SAMD5: variants seen among roughly 807,000 people sequenced by gnomAD.
SAMD5 encodes the protein sterile alpha motif domain-containing protein 5.
In SAMD5, 13 loss-of-function variants were observed where a neutral mutation model predicts 11.3. That is an observed-to-expected ratio of 1.15 (90% CI 0.75 to 1.83). SAMD5 has a LOEUF of 1.83. Ranked by LOEUF, SAMD5 falls within the 40% of genes most tolerant of loss-of-function variation. SAMD5 has a pLI of 0.00. For missense variants in SAMD5, 255 were observed against 239.1 expected (o/e 1.07, Z -0.44); for synonymous variants, 129 against 111.3 (o/e 1.16, Z -1.00).
At chr6:147,654,111 G>A (rs955869807) in intron 1 of SAMD5, among the ~76,000 whole-genome samples, 4 of 151,890 alleles carry the variant, frequency 2.6e-5, no homozygotes, top group Admixed American at 1.3e-4. Flanking sequence ...ACTTGTGCAC[G>A]CTTTCTCCTC....
At chr6:147,838,990 C>T in the SAMD5 span, among the ~76,000 whole-genome samples, 1 of 152,210 alleles carries the variant, frequency 6.6e-6, no homozygotes, top group African/African-American at 2.4e-5. Context: ...TGGTATTCAC[C>T]TCCGACATTT....
At chr6:147,556,628 A>G (rs985752219) in intron 1 of SAMD5, among the ~76,000 whole-genome samples, 1 of 152,214 alleles carries the variant, frequency 6.6e-6, no homozygotes, top group East Asian at 1.9e-4. Flanking sequence ...AAAGTTTCCC[A>G]GGTTGGGAAT....
chr6:147,641,346 T>A (rs1232388193), intron 1 of SAMD5, among the ~76,000 whole-genome samples: 4 of 152,274 alleles, frequency 2.6e-5, no homozygotes, highest in Admixed American at 2.6e-4. Context: ...ATTTGGGGGC[T>A]TCATTGGCTA....
chr6:147,596,628 A>G (rs1396868862), intron 1 of SAMD5, among the ~76,000 whole-genome samples: 1 of 152,212 alleles, frequency 6.6e-6, no homozygotes, highest in Admixed American at 6.5e-5. Flanking sequence ...CCAATTATTA[A>G]TGAGCTGTTA....
chr6:147,945,062 A>G, the SAMD5 span, among the ~76,000 whole-genome samples: 1 of 152,222 alleles, frequency 6.6e-6, no homozygotes, highest in East Asian at 1.9e-4. Context: ...TTAGAGATTC[A>G]GTTCCAATCT....
intron 1 of SAMD5, among the ~76,000 whole-genome samples, chr6:147,607,642 A>G (rs1397652777): frequency 6.6e-6 from 1 of 152,230 alleles, no homozygotes; most frequent in East Asian, 1.9e-4. Context: ...AAATCAAATC[A>G]AAACAGATTA....
At chr6:147,639,874 T>C (rs946253331) in intron 1 of SAMD5, among the ~76,000 whole-genome samples, 2 of 150,932 alleles carry the variant, frequency 1.3e-5, no homozygotes, top group Admixed American at 6.6e-5. Context: ...AATTTCTAAT[T>C]GAGATTTTTT....
downstream of SAMD5, among the ~76,000 whole-genome samples, chr6:147,574,045 A>G (rs1789177916): frequency 6.6e-6 from 1 of 151,766 alleles, no homozygotes. Context: ...GGAGAATGGC[A>G]TGAACCCAGG....
At chr6:147,911,585 G>A in the SAMD5 span, among the ~76,000 whole-genome samples, 3 of 152,252 alleles carry the variant, frequency 2.0e-5, no homozygotes, top group South Asian at 6.2e-4. Context: ...CAATCCAATA[G>A]TGTCTTTCTT....
the SAMD5 span, among the ~76,000 whole-genome samples, chr6:147,818,759 G>T: frequency 2.0e-5 from 3 of 152,188 alleles, no homozygotes; most frequent in Non-Finnish European, 4.4e-5. Flanking sequence ...CACTGGTGAA[G>T]TTAGGAAATA....
chr6:147,892,950 T>C, the SAMD5 span, among the ~76,000 whole-genome samples: 20 of 152,158 alleles, frequency 1.3e-4, no homozygotes, highest in Admixed American at 4.6e-4. Context: ...TGGTGGCTCA[T>C]GCCTGTAATC....
the SAMD5 span, among the ~76,000 whole-genome samples, chr6:147,750,673 C>T: frequency 1.3e-5 from 2 of 152,180 alleles, no homozygotes; most frequent in African/African-American, 4.8e-5. Context: ...GCCTGTAATC[C>T]CAGCACTTTG....
intron 1 of SAMD5, among the ~76,000 whole-genome samples, chr6:147,637,672 A>C (rs1487272089): frequency 6.6e-6 from 1 of 152,216 alleles, no homozygotes; most frequent in Non-Finnish European, 1.5e-5. Flanking sequence ...CCTCAGGAAC[A>C]CATTTTAGCT....
the SAMD5 span, among the ~76,000 whole-genome samples, chr6:147,877,063 C>A: frequency 6.8e-6 from 1 of 146,128 alleles, no homozygotes; most frequent in South Asian, 2.2e-4. Flanking sequence ...TTTTTCCCAA[C>A]AAACCCTAGG....
Position 147,724,274 on chromosome 6 carries a change from C to A in SAMD5, c.163-13043C>A, listed in dbSNP as rs560054278. On this transcript the variant is annotated intron_variant, in intron 1 of 1. Coordinates refer to the SAMD5 transcript ENST00000566741. Reference sequence around the variant, plus strand: ...TCCTGAGTAGCTGGGACTACAGGCGCCTGCCACCACACCTGGCTAGAAAAA... The same window carrying A: ...TCCTGAGTAGCTGGGACTACAGGCGACTGCCACCACACCTGGCTAGAAAAA... 2.8e-3 allele frequency among the ~76,000 whole-genome samples: 429 copies of A among 152,290 alleles called. 1 individual carries two copies. Among genetic ancestry groups the A allele is most frequent in the African/African-American group, 9.6e-3 (398 of 41,566 alleles).
rs1789059148 is a variant in SAMD5, at chr6:147,567,369, A to G, written c.*2913A>G. On this transcript the variant is annotated 3_prime_UTR_variant, in exon 2 of 2. Transcript: ENST00000367474. ...TAAACAATGACAACAACAAGCATTGAGCTTTCACTTTGGAGTTACTCAGAT... is the reference window on the plus strand; with the variant it reads ...TAAACAATGACAACAACAAGCATTGGGCTTTCACTTTGGAGTTACTCAGAT... 1.0e-6 allele frequency: 1 copy of G among 984,908 alleles called. No individual in the cohort carries two copies. Among genetic ancestry groups the G allele is most frequent in the Admixed American group, 6.1e-5 (1 of 16,274 alleles). 61.0% of individuals were successfully genotyped at this position (984,908 alleles called of 1,614,324 possible).
chr6:147,602,482 GC>G (rs1280671931), intron 1 of SAMD5, among the ~76,000 whole-genome samples: 2 of 152,178 alleles, frequency 1.3e-5, no homozygotes, highest in Non-Finnish European at 2.9e-5. Flanking sequence ...GGTGGCTCAG[GC>G]CTGTAATCCC....
the SAMD5 span, among the ~76,000 whole-genome samples, chr6:147,892,546 A>G: frequency 6.6e-6 from 1 of 152,162 alleles, no homozygotes; most frequent in Non-Finnish European, 1.5e-5. Flanking sequence ...TTACATCTCT[A>G]CTTCTGCTGC....
At chr6:147,779,467 T>C in the SAMD5 span, among the ~76,000 whole-genome samples, 75 of 151,970 alleles carry the variant, frequency 4.9e-4, 1 homozygote, top group Non-Finnish European at 2.4e-4. Flanking sequence ...CCTGAGCAGC[T>C]CTACATTCTT....
Sources: gnomAD v4.1 joint callset for allele counts (sites outside exome capture counted in the v4.1 genomes callset) on GRCh38, gnomAD v4.1.1 for gene constraint, MANE v1.5 for transcripts, NCBI Gene and HGNC (gene_info 2026-07-23, HGNC 2026-07-21) for gene names.